The following MAD1L1 variants were observed in gnomAD, a reference collection of about 807,000 sequenced individuals.
MAD1L1 encodes mitotic arrest deficient 1 like 1, also known as mitotic spindle assembly checkpoint protein MAD1.
A neutral mutation model predicts 96.9 loss-of-function variants in MAD1L1; 95 were observed. That is an observed-to-expected ratio of 0.98 (90% CI 0.83 to 1.16). The LOEUF (loss-of-function observed/expected upper bound fraction) is 1.16, where lower values mean the gene tolerates loss of function less well. MAD1L1 is among the 50% of genes most tolerant of loss of function. MAD1L1 has a pLI of 0.00. For missense variants in MAD1L1, 1,007 were observed against 954.4 expected, an observed-to-expected ratio of 1.06 and a Z score of -0.73; for synonymous variants, 473 against 396.6, an observed-to-expected ratio of 1.19 and a Z score of -2.29.
chr7:1,850,928 G>A (rs934537445), intron 18 of MAD1L1, among the ~76,000 whole-genome samples: 25 of 152,298 alleles, frequency 1.6e-4, no homozygotes, highest in African/African-American at 6.0e-4. Context: ...AGCAGCTTCC[G>A]GGCATCAGAG....
At chr7:2,071,810 A>G (rs1319868821) in intron 11 of MAD1L1, among the ~76,000 whole-genome samples, 5 of 151,630 alleles carry the variant, frequency 3.3e-5, no homozygotes, top group African/African-American at 9.7e-5. Context: ...CACCAGAGCT[A>G]GGAGAGCTTC....
At chr7:1,844,988 G>C (rs377452730) in intron 18 of MAD1L1, among the ~76,000 whole-genome samples, 2 of 152,226 alleles carry the variant, frequency 1.3e-5, no homozygotes, top group Non-Finnish European at 2.9e-5. Flanking sequence ...GGTGCGGGGA[G>C]GAGGGGCCTG....
In MAD1L1 at chr7:2,124,690, C is replaced by T. The variant is rs144552439; in HGVS notation, c.1073+24462G>A. The stretch of plus-strand genomic sequence containing the variant: ...GCAGACCTGCTGGGTTCTCACACAC[C>T]CCGGGAGGGCCAGGCCCACCCTGCC... On this transcript the variant is annotated intron_variant, in intron 11 of 18. Coordinates refer to ENST00000265854, the MANE Select transcript of MAD1L1 (RefSeq NM_001013836.2). 2.6e-4 allele frequency among the ~76,000 whole-genome samples: 40 copies of T among 152,324 alleles called. No homozygotes were observed. In the East Asian group the frequency reaches 7.7e-3, roughly 29 times the overall value.
intron 18 of MAD1L1, chr7:1,838,974 C>G: frequency 2.7e-6 from 1 of 371,838 alleles, no homozygotes; most frequent in East Asian, 7.4e-5. Flanking sequence ...AGCAGAGAGT[C>G]TGGACCCCAG....
chr7:2,219,481 C>T (rs1584581582), intron 5 of MAD1L1, 25 bp from the exon 6 acceptor site: 3 of 1,609,562 alleles, frequency 1.9e-6, no homozygotes, highest in Non-Finnish European at 1.7e-6. Context: ...GACCAGAGAG[C>T]CGCTCAGTGA....
chr7:1,902,907 G>A (rs760035562), intron 17 of MAD1L1, among the ~76,000 whole-genome samples: 3 of 151,884 alleles, frequency 2.0e-5, no homozygotes, highest in Non-Finnish European at 4.4e-5. Flanking sequence ...GGATGCAGTG[G>A]CCTATGGAAG....
intron 11 of MAD1L1, among the ~76,000 whole-genome samples, chr7:2,134,013 C>T (rs1042125548): frequency 2.6e-5 from 4 of 152,210 alleles, no homozygotes; most frequent in African/African-American, 9.6e-5. Context: ...TGGCCATTGC[C>T]ATCTTTTGCC....
chr7:1,884,700 C>G (rs957383270), intron 18 of MAD1L1, among the ~76,000 whole-genome samples: 1 of 152,216 alleles, frequency 6.6e-6, no homozygotes, highest in African/African-American at 2.4e-5. Flanking sequence ...AGGAGAACCC[C>G]TGGTCCCACA....
At position 2,047,673 on chromosome 7, in the gene MAD1L1, C is replaced by T. The variant is rs150720587; in HGVS notation, c.1218+21521G>A. On this transcript the variant is annotated intron_variant, in intron 12 of 18. Transcript: ENST00000265854. The stretch of plus-strand genomic sequence containing the variant: ...AGAATGGTAAGCACAGATGCACACA[C>T]ATGTGCGCACACAGCACTCACACAT... Among the ~76,000 whole-genome samples, 22 of 152,356 alleles carry T rather than the reference C, an allele frequency of 1.4e-4. 1 individual carries two copies. In the East Asian group the frequency reaches 3.9e-3, roughly 27 times the overall value.
chr7:2,180,090 G>A lies in MAD1L1; in HGVS notation c.987-30852C>T, dbSNP rs558572918. 1.2e-4 allele frequency among the ~76,000 whole-genome samples: 18 copies of A among 152,326 alleles called. 1 individual carries two copies. The highest frequency in any genetic ancestry group is 1.0e-3 in the South Asian group (5 of 4,830). On this transcript the variant is annotated intron_variant, in intron 10 of 18. Coordinates refer to ENST00000265854, the MANE Select transcript of MAD1L1 (RefSeq NM_001013836.2). ...TGTCAACCACTTCAACATCACAAAT[G>A]CCTGAGTGACAGCAGTGGCAAACAA...
chr7:2,227,587 G>A (rs1333764741), intron 3 of MAD1L1, among the ~76,000 whole-genome samples: 1 of 152,236 alleles, frequency 6.6e-6, no homozygotes, highest in Admixed American at 6.5e-5. Flanking sequence ...AGCGTGCCAA[G>A]GCCAGGAAAG....
intron 18 of MAD1L1, among the ~76,000 whole-genome samples, chr7:1,845,067 G>A (rs1300318394): frequency 6.6e-6 from 1 of 152,236 alleles, no homozygotes; most frequent in Non-Finnish European, 1.5e-5. Context: ...GGCGGGCGCG[G>A]GAGGCAGGCC....
chr7:1,911,954 C>T (rs979060167), intron 17 of MAD1L1, among the ~76,000 whole-genome samples: 13 of 152,264 alleles, frequency 8.5e-5, no homozygotes, highest in African/African-American at 2.7e-4. Context: ...TCCAACCCGC[C>T]CTCCATGCAG....
At chr7:2,125,941 C>T (rs931772355) in intron 11 of MAD1L1, among the ~76,000 whole-genome samples, 1 of 152,268 alleles carries the variant, frequency 6.6e-6, no homozygotes, top group East Asian at 1.9e-4. Context: ...GGCCCCTGGG[C>T]CTCCTCACGT....
chr7:1,955,970 G>A (rs915352078), intron 16 of MAD1L1, among the ~76,000 whole-genome samples: 1 of 136,312 alleles, frequency 7.3e-6, no homozygotes, highest in African/African-American at 2.7e-5. Flanking sequence ...TTTGGATGAG[G>A]GCAAGTAAGG....
intron 17 of MAD1L1, among the ~76,000 whole-genome samples, chr7:1,908,129 T>C (rs1023796917): frequency 2.0e-5 from 3 of 152,114 alleles, no homozygotes; most frequent in South Asian, 2.1e-4. Flanking sequence ...AGCTCAAAGG[T>C]TGGGATTCCA....
At chr7:2,064,027 G>A (rs140292794) in intron 12 of MAD1L1, among the ~76,000 whole-genome samples, 120 of 152,256 alleles carry the variant, frequency 7.9e-4, no homozygotes, top group African/African-American at 2.6e-3. Context: ...GTAGCAGGCC[G>A]GCTCCACAGA....
chr7:2,135,356 G>A (rs913772066), intron 11 of MAD1L1, among the ~76,000 whole-genome samples: 1 of 152,182 alleles, frequency 6.6e-6, no homozygotes, highest in Admixed American at 6.5e-5. Context: ...TTTGTAAAAA[G>A]TAAAAAACAA....
At chr7:1,818,184 G>C (rs1256502008) in intron 18 of MAD1L1, among the ~76,000 whole-genome samples, 1 of 152,074 alleles carries the variant, frequency 6.6e-6, no homozygotes, top group Non-Finnish European at 1.5e-5. Context: ...TGCCGGGCAG[G>C]GGTGGGGAGG....
Sources: allele counts gnomAD v4.1 joint callset (sites outside exome capture counted in the v4.1 genomes callset), GRCh38; gene constraint gnomAD v4.1.1; transcripts MANE v1.5; gene names NCBI Gene and HGNC (gene_info 2026-07-23, HGNC 2026-07-21).